Variants in ZFAND3 observed in about 807,000 individuals in gnomAD.
ZFAND3 encodes AN1-type zinc finger protein 3.
ZFAND3 carries 10 observed loss-of-function variants against 29.6 expected under a neutral mutation model. The observed-to-expected ratio is 0.34, with a 90% confidence interval of 0.21 to 0.57. The LOEUF (loss-of-function observed/expected upper bound fraction) is 0.57, where lower values mean the gene tolerates loss of function less well. ZFAND3 is among the 20% of genes least tolerant of loss of function. The pLI, the probability that ZFAND3 is intolerant of heterozygous loss-of-function variation, is 0.86. For missense variants in ZFAND3, 230 were observed against 304.5 expected (o/e 0.76, Z 1.82); for synonymous variants, 128 against 112.6 (o/e 1.14, Z -0.87).
chr6:37,899,203 C>T (rs766269562), intron 1 of ZFAND3, among the ~76,000 whole-genome samples: 2 of 152,056 alleles, frequency 1.3e-5, no homozygotes, highest in East Asian at 3.9e-4. Context: ...CCTGGCCATT[C>T]GTTTCTGATT....
intron 2 of ZFAND3, among the ~76,000 whole-genome samples, chr6:38,024,736 G>C (rs1763415689): frequency 6.6e-6 from 1 of 152,202 alleles, no homozygotes; most frequent in Non-Finnish European, 1.5e-5. Flanking sequence ...GATTCTATTT[G>C]TATGAAATAT....
intron 5 of ZFAND3, among the ~76,000 whole-genome samples, chr6:38,128,540 A>G (rs1042172503): frequency 6.6e-6 from 1 of 151,722 alleles, no homozygotes. Flanking sequence ...ATCCCTTTGC[A>G]TCCTCATAGC....
intron 2 of ZFAND3, among the ~76,000 whole-genome samples, chr6:38,030,057 T>G (rs1469254349): frequency 9.6e-5 from 2 of 20,914 alleles, no homozygotes; most frequent in African/African-American, 1.9e-4. Context: ...GCTGGATATA[T>G]ATATATATAT....
chr6:37,966,704 A>T (rs1762299321), intron 2 of ZFAND3, among the ~76,000 whole-genome samples: 1 of 152,218 alleles, frequency 6.6e-6, no homozygotes, highest in South Asian at 2.1e-4. Flanking sequence ...TTTCTACAAG[A>T]ACACTTTTCT....
intron 2 of ZFAND3, among the ~76,000 whole-genome samples, chr6:37,980,153 A>G: frequency 9.6e-6 from 1 of 103,710 alleles, no homozygotes; most frequent in African/African-American, 3.3e-5. Context: ...CATCTCTCAG[A>G]GGTCACTGTC....
intron 4 of ZFAND3, among the ~76,000 whole-genome samples, chr6:38,116,151 T>C (rs1765413000): frequency 1.3e-5 from 2 of 152,216 alleles, no homozygotes; most frequent in African/African-American, 4.8e-5. Flanking sequence ...GTCCCATCTC[T>C]AAAGAATTAC....
At chr6:37,884,362 C>A (rs1987455) in intron 1 of ZFAND3, among the ~76,000 whole-genome samples, 1 of 142,980 alleles carries the variant, frequency 7.0e-6, no homozygotes, top group South Asian at 2.2e-4. Context: ...GGCGTGGTGG[C>A]GCATGCCTGT....
chr6:37,957,790 C>T (rs565760962), intron 2 of ZFAND3, among the ~76,000 whole-genome samples: 6 of 152,234 alleles, frequency 3.9e-5, no homozygotes, highest in Admixed American at 6.5e-5. Flanking sequence ...TAGTTGCATA[C>T]GGACCTAGGC....
At chr6:38,144,184 A>AATATATAATAT (rs1554183923) in intron 5 of ZFAND3, among the ~76,000 whole-genome samples, 3 of 42,556 alleles carry the variant, frequency 7.0e-5, no homozygotes, top group East Asian at 5.5e-4. Flanking sequence ...ATATATATAT[A>AATATATAATAT]ATATATATAT....
At chr6:38,009,601 C>G (rs192400531) in intron 2 of ZFAND3, among the ~76,000 whole-genome samples, 1 of 152,174 alleles carries the variant, frequency 6.6e-6, no homozygotes, top group African/African-American at 2.4e-5. Context: ...GCATACGTAG[C>G]CACCATCCAG....
chr6:38,027,136 ATGT>A (rs1480233181), intron 2 of ZFAND3, among the ~76,000 whole-genome samples: 1 of 152,214 alleles, frequency 6.6e-6, no homozygotes, highest in African/African-American at 2.4e-5. Context: ...AAGTGAAATG[ATGT>A]TGTCTTGGGG....
intron 2 of ZFAND3, among the ~76,000 whole-genome samples, chr6:37,959,303 G>T (rs1762154606): frequency 6.6e-6 from 1 of 152,174 alleles, no homozygotes; most frequent in Admixed American, 6.5e-5. Flanking sequence ...TTCTCTCCAC[G>T]GTAGTGATGG....
At chr6:37,916,141 A>C (rs992188529) in intron 1 of ZFAND3, among the ~76,000 whole-genome samples, 2 of 152,066 alleles carry the variant, frequency 1.3e-5, no homozygotes, top group Admixed American at 6.6e-5. Context: ...ATGGTGTCCC[A>C]AAACAATGAC....
intron 4 of ZFAND3, among the ~76,000 whole-genome samples, chr6:38,116,234 A>G (rs1765415126): frequency 6.6e-6 from 1 of 152,248 alleles, no homozygotes; most frequent in South Asian, 2.1e-4. Context: ...TCTAGGTCCC[A>G]GCAAGGGAAT....
chr6:38,051,433 G>A (rs1764023921), intron 2 of ZFAND3, among the ~76,000 whole-genome samples: 1 of 152,114 alleles, frequency 6.6e-6, no homozygotes, highest in African/African-American at 2.4e-5. Context: ...CCTTAGGTCT[G>A]GGGTAAAATA....
intron 1 of ZFAND3, among the ~76,000 whole-genome samples, chr6:37,878,366 G>A (rs1764832072): frequency 1.3e-5 from 2 of 152,190 alleles, no homozygotes; most frequent in Admixed American, 6.5e-5. Context: ...GAGGCAAGCC[G>A]AGGTCAGGCC....
intron 1 of ZFAND3, among the ~76,000 whole-genome samples, chr6:37,853,532 T>G (rs1387604872): frequency 6.6e-6 from 1 of 151,938 alleles, no homozygotes; most frequent in Admixed American, 6.6e-5. Flanking sequence ...ACTATAAATA[T>G]TTTTGGGGGG....
intron 3 of ZFAND3, among the ~76,000 whole-genome samples, chr6:38,074,806 A>T (rs888936076): frequency 6.6e-6 from 1 of 152,230 alleles, no homozygotes; most frequent in African/African-American, 2.4e-5. Flanking sequence ...TTAGGGGCTA[A>T]TGTAGCTGGT....
chr6:38,115,503 G>C lies in ZFAND3; in HGVS notation c.362-1069G>C, dbSNP rs79480197. ...GGAGAATAGACTGTAGAAACAAGGG[G>C]ATGAGCAGAGAGACCAGTGAAGAGG... On this transcript the variant is annotated intron_variant, in intron 4 of 5. Transcript: ENST00000287218. 5.1e-4 allele frequency among the ~76,000 whole-genome samples: 77 copies of C among 152,290 alleles called. No individual in the cohort carries two copies. In the East Asian group the frequency reaches 0.01, roughly 20 times the overall value.
Sources: allele counts gnomAD v4.1 joint callset (sites outside exome capture counted in the v4.1 genomes callset), GRCh38; gene constraint gnomAD v4.1.1; transcripts MANE v1.5; gene names NCBI Gene and HGNC (gene_info 2026-07-23, HGNC 2026-07-21).